Variants in SNX25 observed in about 807,000 individuals in gnomAD.
The protein encoded by SNX25 is sorting nexin-25.
Under a neutral mutation model 113.7 loss-of-function variants are expected in SNX25, and 62 were observed. The observed-to-expected ratio is 0.55, with a 90% confidence interval of 0.44 to 0.67. The LOEUF (loss-of-function observed/expected upper bound fraction) is 0.67, where lower values mean the gene tolerates loss of function less well. Among genes scored for constraint, SNX25 ranks in the 30% least tolerant of loss-of-function variants. The pLI is 0.00. For missense variants in SNX25, 1,014 were observed against 1,161.0 expected (o/e 0.87, Z 1.84); for synonymous variants, 421 against 436.2 (o/e 0.97, Z 0.43).
intron 7 of SNX25, among the ~76,000 whole-genome samples, chr4:185,318,896 T>A (rs1355547131): frequency 6.6e-6 from 1 of 152,120 alleles, no homozygotes; most frequent in African/African-American, 2.4e-5. Flanking sequence ...TTTCCTTTTG[T>A]TCCTCAGCAG....
At chr4:185,335,265 A>G (rs543507734) in intron 10 of SNX25, among the ~76,000 whole-genome samples, 2 of 151,800 alleles carry the variant, frequency 1.3e-5, no homozygotes, top group African/African-American at 2.4e-5. Flanking sequence ...GGTTGCAGTC[A>G]GCCGAGATCA....
chr4:185,211,597 C>T (rs1737814077), intron 1 of SNX25, among the ~76,000 whole-genome samples: 1 of 152,144 alleles, frequency 6.6e-6, no homozygotes. Context: ...TATTGAGCAT[C>T]TTGTGTGAGC....
At chr4:185,289,346 G>A (rs1293390611) in intron 6 of SNX25, among the ~76,000 whole-genome samples, 1 of 152,186 alleles carries the variant, frequency 6.6e-6, no homozygotes, top group African/African-American at 2.4e-5. Flanking sequence ...GCCCTGGTAG[G>A]GAGTGCTGGT....
chr4:185,344,804 A>G (rs997549901), intron 12 of SNX25, among the ~76,000 whole-genome samples: 9 of 152,174 alleles, frequency 5.9e-5, no homozygotes, highest in Non-Finnish European at 1.3e-4. Context: ...TCATCACTAC[A>G]TACTATAATT....
intron 4 of SNX25, among the ~76,000 whole-genome samples, chr4:185,266,488 G>A (rs1000199165): frequency 6.6e-6 from 1 of 152,074 alleles, no homozygotes; most frequent in African/African-American, 2.4e-5. Context: ...AGTCTCCCGA[G>A]TAGCTAGGAT....
chr4:185,281,486 T>C (rs529393336), intron 5 of SNX25, among the ~76,000 whole-genome samples: 1 of 152,324 alleles, frequency 6.6e-6, no homozygotes, highest in South Asian at 2.1e-4. Context: ...GATGACATAG[T>C]GTGTGTTAGA....
chr4:185,251,294 C>T (rs1385051579), intron 2 of SNX25, among the ~76,000 whole-genome samples: 1 of 152,176 alleles, frequency 6.6e-6, no homozygotes, highest in African/African-American at 2.4e-5. Flanking sequence ...CGCACCCGGC[C>T]TTAGTTCAGT....
Position 185,351,588 on chromosome 4 carries a change from C to A in SNX25, c.2445C>A (p.Arg815=). ...CCTCATTTTTGGAAAGACTTCCTCG[C>A]GACTTCTTCTCCCACCAGGAGGTGA... ...SLSSFLERLP[R]DFFSHQEEET... Residue 815 remains arginine, a synonymous_variant, in exon 14 of 19, where the codon CGC becomes CGA. Coordinates refer to ENST00000652585, the MANE Select transcript of SNX25 (RefSeq NM_001378034.2). 1.9e-6 allele frequency: 3 copies of A among 1,613,970 alleles called. No individual in the cohort carries two copies. Among genetic ancestry groups the A allele is most frequent in the Non-Finnish European group, 2.5e-6 (3 of 1,179,960 alleles).
At chr4:185,249,417 A>G (rs956373170) in intron 2 of SNX25, among the ~76,000 whole-genome samples, 1 of 151,988 alleles carries the variant, frequency 6.6e-6, no homozygotes, top group Admixed American at 6.6e-5. Context: ...GTTATTGACA[A>G]TTTTCAGATT....
chr4:185,209,743 G>A lies in SNX25; in HGVS notation c.-84G>A, dbSNP rs1163082066. 1 of 984,024 alleles carries A rather than the reference G, an allele frequency of 1.0e-6. No homozygotes were observed. Among genetic ancestry groups the A allele is most frequent in the African/African-American group, 1.8e-5 (1 of 57,122 alleles). 61.0% of individuals were successfully genotyped at this position (984,024 alleles called of 1,614,324 possible). A position where few individuals can be genotyped will look rare whatever the true frequency, so the allele number is the denominator to read the frequency against. On this transcript the variant is annotated 5_prime_UTR_variant, in exon 1 of 19. Transcript: ENST00000652585. This position sits in a 1 kb window ranked among gnomAD's most constrained non-coding sequence, Gnocchi z 5.2. ...TCGGTGGGCCGCGGGCGAGGCATGA[G>A]CGCGGGCTCCCCCTGCCTCCGGAGC...
chr4:185,274,758 AATT>A (rs370149893), intron 5 of SNX25, among the ~76,000 whole-genome samples: 2 of 152,354 alleles, frequency 1.3e-5, no homozygotes, highest in African/African-American at 4.8e-5. Context: ...GATTCTTAAT[AATT>A]ATCATCTTTC....
upstream of SNX25, among the ~76,000 whole-genome samples, chr4:185,206,329 G>A (rs116813891): frequency 7.0e-4 from 106 of 152,262 alleles, no homozygotes; most frequent in African/African-American, 9.4e-4. Flanking sequence ...TGACTTGTGC[G>A]CCTCTGGTCC....
At chr4:185,306,836 G>T (rs1754534631) in intron 6 of SNX25, among the ~76,000 whole-genome samples, 1 of 152,052 alleles carries the variant, frequency 6.6e-6, no homozygotes. Flanking sequence ...ACTAATTTTG[G>T]GGCAAACTAC....
intron 5 of SNX25, among the ~76,000 whole-genome samples, chr4:185,269,722 AGTTTTGTTGTT>A (rs1232245720): frequency 5.3e-5 from 8 of 152,082 alleles, no homozygotes; most frequent in Non-Finnish European, 1.2e-4. Flanking sequence ...AAGGCATCAG[AGTTTTGTTGTT>A]GTTTTGTTGT....
intron 1 of SNX25, among the ~76,000 whole-genome samples, chr4:185,216,908 C>T (rs1738941938): frequency 1.3e-5 from 2 of 152,066 alleles, no homozygotes; most frequent in African/African-American, 4.8e-5. Flanking sequence ...AAAATGGGTC[C>T]AGAGTACATG....
chr4:185,307,940 G>T (rs957399707), intron 6 of SNX25, among the ~76,000 whole-genome samples: 2 of 152,152 alleles, frequency 1.3e-5, no homozygotes, highest in Admixed American at 1.3e-4. Flanking sequence ...AAAACTTCTT[G>T]TAGAGATGGG....
chr4:185,344,759 T>A (rs2095276992), intron 12 of SNX25, among the ~76,000 whole-genome samples: 3 of 152,260 alleles, frequency 2.0e-5, no homozygotes, highest in African/African-American at 7.2e-5. Flanking sequence ...CTCTTTTCTT[T>A]AACCTTGTCT....
At chr4:185,357,112 GA>G (rs1364634978) in intron 15 of SNX25, among the ~76,000 whole-genome samples, 1 of 152,156 alleles carries the variant, frequency 6.6e-6, no homozygotes, top group Non-Finnish European at 1.5e-5. Flanking sequence ...TGGCACTGGA[GA>G]CGGCCAAATT....
intron 11 of SNX25, among the ~76,000 whole-genome samples, 153 bp downstream of exon 11, chr4:185,339,663 T>G (rs560739773): frequency 1.3e-5 from 2 of 152,330 alleles, no homozygotes; most frequent in Admixed American, 6.5e-5. Context: ...CAATTTTCAC[T>G]CCGGTTCACT....
Sources: gnomAD v4.1 joint callset for allele counts (sites outside exome capture counted in the v4.1 genomes callset) on GRCh38, gnomAD v4.1.1 for gene constraint, Gnocchi (gnomAD v3.1) non-coding constraint, MANE v1.5 for transcripts, NCBI Gene and HGNC (gene_info 2026-07-23, HGNC 2026-07-21) for gene names.